The following SYNPR variants were observed in gnomAD, a reference collection of about 807,000 sequenced individuals.
The protein encoded by SYNPR is synaptoporin.
A neutral mutation model predicts 32.9 loss-of-function variants in SYNPR; 23 were observed. That is an observed-to-expected ratio of 0.70 (90% confidence interval 0.50 to 0.99). The LOEUF is 0.99. SYNPR is among the 50% of genes least tolerant of loss of function. The pLI is 0.00. For synonymous variants in SYNPR, 146 were observed against 135.9 expected, an observed-to-expected ratio of 1.07 and a Z score of -0.52; for missense variants, 318 against 349.3, an observed-to-expected ratio of 0.91 and a Z score of 0.71.
the SYNPR span, among the ~76,000 whole-genome samples, chr3:63,206,242 A>G: frequency 6.6e-6 from 1 of 152,184 alleles, no homozygotes; most frequent in Non-Finnish European, 1.5e-5. Context: ...CTTGCTTAGA[A>G]TTACCAGTTT....
At position 63,319,491 on chromosome 3, in the gene SYNPR, G is replaced by A. The variant is rs146782396; in HGVS notation, c.84+40749G>A. Among the ~76,000 whole-genome samples, 14 of 151,854 alleles carry A rather than the reference G, an allele frequency of 9.2e-5. No homozygotes were observed. The East Asian group carries it at 2.7e-3, about 30-fold the overall frequency. On this transcript the variant is annotated intron_variant, in intron 2 of 5. Transcript: ENST00000478300. ...TGCTAACAGCAAACAATCTGAAAAA[G>A]AAACCAAGAAAGTAATCCCATTCAC... is the stretch of plus-strand genomic sequence containing the variant.
intron 2 of SYNPR, among the ~76,000 whole-genome samples, chr3:63,364,319 A>T (rs2087703755): frequency 6.6e-6 from 1 of 152,212 alleles, no homozygotes; most frequent in Non-Finnish European, 1.5e-5. Context: ...AGGTGGGGTA[A>T]TGAGATAAGT....
intron 2 of SYNPR, among the ~76,000 whole-genome samples, chr3:63,288,577 T>G (rs945680453): frequency 1.3e-5 from 2 of 152,212 alleles, no homozygotes; most frequent in African/African-American, 4.8e-5. Flanking sequence ...GTCCATTTGT[T>G]GAAAACCTCT....
chr3:63,499,014 C>T (rs1247558610), intron 3 of SYNPR, among the ~76,000 whole-genome samples: 1 of 144,022 alleles, frequency 6.9e-6, no homozygotes, highest in Non-Finnish European at 1.5e-5. Context: ...ATCTGATTTA[C>T]ATATTTTAAT....
chr3:63,476,649 C>T (rs991181059), intron 2 of SYNPR, among the ~76,000 whole-genome samples: 1 of 152,122 alleles, frequency 6.6e-6, no homozygotes, highest in African/African-American at 2.4e-5. Context: ...AGAATCCTAA[C>T]TTGGGAAGTC....
chr3:63,527,298 G>C (rs569676093), intron 3 of SYNPR, among the ~76,000 whole-genome samples: 1 of 152,104 alleles, frequency 6.6e-6, no homozygotes, highest in African/African-American at 2.4e-5. Context: ...TCTGATGATA[G>C]TGTCCATGTC....
intron 3 of SYNPR, among the ~76,000 whole-genome samples, chr3:63,532,441 A>T (rs1347005676): frequency 6.6e-6 from 1 of 152,218 alleles, no homozygotes; most frequent in East Asian, 1.9e-4. Context: ...AATTCAGAGC[A>T]TCCTTTCTCT....
chr3:63,615,725 A>G lies in SYNPR; in HGVS notation c.*244A>G, dbSNP rs910748459. ...TTGGAGAGTACCTTGTTATATATACAGATACTTTCATGGTCATTTTGTATG... is the reference window on the plus strand; with the variant it reads ...TTGGAGAGTACCTTGTTATATATACGGATACTTTCATGGTCATTTTGTATG... On this transcript the variant is annotated 3_prime_UTR_variant, in exon 6 of 6. Coordinates refer to ENST00000478300, the MANE Select transcript of SYNPR (RefSeq NM_001130003.2). 24 of 421,500 alleles carry G rather than the reference A, an allele frequency of 5.7e-5. No homozygotes were observed. The highest frequency in any genetic ancestry group is 8.7e-5 in the Non-Finnish European group (21 of 240,278). The allele number at this position is 421,500 out of a possible 1,614,324, so 26.1% of individuals were successfully genotyped here. A position where few individuals can be genotyped will look rare whatever the true frequency, so the allele number is the denominator to read the frequency against.
chr3:63,608,546 G>T (rs1333553264), intron 4 of SYNPR, among the ~76,000 whole-genome samples: 2 of 152,176 alleles, frequency 1.3e-5, no homozygotes, highest in South Asian at 2.1e-4. Flanking sequence ...TTAACATATT[G>T]GTTAACCAAT....
chr3:63,208,034 AAC>A, the SYNPR span, among the ~76,000 whole-genome samples: 1 of 144,230 alleles, frequency 6.9e-6, no homozygotes, highest in East Asian at 2.0e-4. Context: ...TCTACGTGCA[AAC>A]ACACACACAA....
the SYNPR span, among the ~76,000 whole-genome samples, chr3:63,209,287 C>T: frequency 7.4e-6 from 1 of 134,670 alleles, no homozygotes; most frequent in African/African-American, 2.9e-5. Context: ...CACTGCACTC[C>T]AGCTTGGGTG....
At chr3:63,312,029 T>C (rs2086971685) in intron 2 of SYNPR, among the ~76,000 whole-genome samples, 1 of 151,962 alleles carries the variant, frequency 6.6e-6, no homozygotes, top group Non-Finnish European at 1.5e-5. Context: ...TTTTAGAACC[T>C]AGAAATCTGT....
chr3:63,391,535 G>A (rs564644892), intron 2 of SYNPR, among the ~76,000 whole-genome samples: 2 of 152,222 alleles, frequency 1.3e-5, no homozygotes, highest in East Asian at 1.9e-4. Context: ...TAACACCTAT[G>A]AGAATTATGT....
chr3:63,256,626 G>T (rs190293885), intron 2 of SYNPR, among the ~76,000 whole-genome samples: 16 of 152,268 alleles, frequency 1.1e-4, no homozygotes, highest in African/African-American at 3.4e-4. Flanking sequence ...AGAAAAAACA[G>T]AGCAGAAAAA....
intron 2 of SYNPR, among the ~76,000 whole-genome samples, chr3:63,397,210 G>A (rs6793117): frequency 0.035 from 5,257 of 152,132 alleles, 264 homozygotes; most frequent in African/African-American, 0.11. Flanking sequence ...GTGCTGTATT[G>A]GGATGCAAAG....
At chr3:63,374,652 A>T (rs947246628) in intron 2 of SYNPR, among the ~76,000 whole-genome samples, 1 of 152,224 alleles carries the variant, frequency 6.6e-6, no homozygotes, top group African/African-American at 2.4e-5. Context: ...TTATATCCCA[A>T]GTCTTCAAAT....
chr3:63,468,211 A>G (rs1414753200), intron 2 of SYNPR, among the ~76,000 whole-genome samples: 1 of 151,714 alleles, frequency 6.6e-6, no homozygotes, highest in Non-Finnish European at 1.5e-5. Flanking sequence ...AAAAAAAAAA[A>G]AAAGAATCAG....
At position 63,388,379 on chromosome 3, in the gene SYNPR, C is replaced by CTT. The variant is rs144044254; in HGVS notation, c.85-92428_85-92427dup. Among the ~76,000 whole-genome samples the CTT allele has an allele frequency of 3.8e-3, 316 of 83,622 alleles. 21 individuals are homozygous for CTT. Among genetic ancestry groups the CTT allele is most frequent in the African/African-American group, 6.4e-3 (128 of 19,912 alleles). The allele number at this position is 83,622 out of a possible 152,430, so 54.9% of individuals were successfully genotyped here. The stretch of plus-strand genomic sequence containing the variant: ...CAAAACCCAAGTAAAGTTTGGAGCT[C>CTT]TTTTTTTTTTTTTTTTTTTTTTTTT... On this transcript the variant is annotated intron_variant, in intron 2 of 5. Coordinates refer to ENST00000478300, the MANE Select transcript of SYNPR (RefSeq NM_001130003.2).
intron 2 of SYNPR, among the ~76,000 whole-genome samples, chr3:63,399,094 G>A (rs540464031): frequency 6.6e-6 from 1 of 152,286 alleles, no homozygotes; most frequent in East Asian, 1.9e-4. Context: ...ATGTTCTCAT[G>A]GTAGGAAAAG....
Sources: allele counts gnomAD v4.1 joint callset (sites outside exome capture counted in the v4.1 genomes callset), GRCh38; gene constraint gnomAD v4.1.1; transcripts MANE v1.5; gene names NCBI Gene and HGNC (gene_info 2026-07-23, HGNC 2026-07-21).